NUDT3: variants seen among roughly 807,000 people sequenced by gnomAD.
NUDT3 encodes the protein diphosphoinositol polyphosphate phosphohydrolase 1.
A neutral mutation model predicts 23.6 loss-of-function variants in NUDT3; 9 were observed. That is an observed-to-expected ratio of 0.38 (90% CI 0.23 to 0.66). The LOEUF is 0.66. Among genes scored for constraint, NUDT3 ranks in the 30% least tolerant of loss-of-function variants. The pLI is 0.52. For missense variants in NUDT3, 172 were observed against 218.5 expected (o/e 0.79, Z 1.34); for synonymous variants, 86 against 82.6 (o/e 1.04, Z -0.22).
chr6:34,350,519 AAAGTCT>A (rs1206304011), intron 1 of NUDT3, among the ~76,000 whole-genome samples: 1 of 151,024 alleles, frequency 6.6e-6, no homozygotes, highest in African/African-American at 2.5e-5. Context: ...CAGCTGTCAC[AAAGTCT>A]TGTGCATGAT....
chr6:34,358,258 TACACACAC>T (rs71538235), intron 1 of NUDT3, among the ~76,000 whole-genome samples: 62 of 144,696 alleles, frequency 4.3e-4, no homozygotes, highest in Middle Eastern at 7.0e-3. Context: ...ATGAGTAGTT[TACACACAC>T]ACACACACAC....
intron 1 of NUDT3, among the ~76,000 whole-genome samples, chr6:34,342,557 A>G (rs924488964): frequency 6.6e-6 from 1 of 152,110 alleles, no homozygotes; most frequent in Non-Finnish European, 1.5e-5. Context: ...CTTTCATCAC[A>G]TTTTCAGCTA....
intron 1 of NUDT3, among the ~76,000 whole-genome samples, chr6:34,386,215 G>C (rs1561926246): frequency 6.6e-6 from 1 of 152,086 alleles, no homozygotes. Flanking sequence ...CTGTATATCA[G>C]GTTCAAACTA....
At chr6:34,320,354 G>A (rs1204867951) in intron 2 of NUDT3, among the ~76,000 whole-genome samples, 1 of 152,112 alleles carries the variant, frequency 6.6e-6, no homozygotes, top group Non-Finnish European at 1.5e-5. Context: ...AGGCTCCCAA[G>A]TAACTGGGAT....
chr6:34,361,116 G>C (rs1037024222), intron 1 of NUDT3, among the ~76,000 whole-genome samples: 3 of 152,084 alleles, frequency 2.0e-5, no homozygotes, highest in Admixed American at 6.6e-5. Context: ...CCAGCTACTT[G>C]GGAAGCTGGG....
intron 1 of NUDT3, among the ~76,000 whole-genome samples, chr6:34,349,672 C>T (rs1338472459): frequency 6.6e-6 from 1 of 150,552 alleles, no homozygotes; most frequent in Non-Finnish European, 1.5e-5. Context: ...CCCCTTTCTC[C>T]CTATCCACCC....
chr6:34,345,325 T>C (rs1240962994), intron 1 of NUDT3, among the ~76,000 whole-genome samples: 5 of 151,824 alleles, frequency 3.3e-5, no homozygotes, highest in Admixed American at 1.3e-4. Context: ...GATGGGATTG[T>C]AGGTGTGCGA....
At chr6:34,381,505 A>C (rs1385960013) in intron 1 of NUDT3, among the ~76,000 whole-genome samples, 2 of 152,162 alleles carry the variant, frequency 1.3e-5, no homozygotes, top group Non-Finnish European at 2.9e-5. Flanking sequence ...CAGCTAAAAT[A>C]ATTGAACCTA....
intron 1 of NUDT3, among the ~76,000 whole-genome samples, chr6:34,353,326 C>T (rs1764506866): frequency 6.6e-6 from 1 of 152,082 alleles, no homozygotes; most frequent in Admixed American, 6.6e-5. Context: ...AAATTTCAAA[C>T]ATGCATAAAA....
At position 34,309,480 on chromosome 6, in the gene NUDT3, A is replaced by G. The variant is rs373101546; in HGVS notation, c.211-13795T>C. On this transcript the variant is annotated intron_variant, in intron 2 of 4. Coordinates refer to ENST00000607016, the MANE Select transcript of NUDT3 (RefSeq NM_006703.4). The stretch of plus-strand genomic sequence containing the variant: ...ATCTAAGCTTTTACCTTAGGAAACT[A>G]GAAAAAGAGCAAATTAAATCCAAGT... 2.6e-5 allele frequency among the ~76,000 whole-genome samples: 4 copies of G among 152,216 alleles called. No individual in the cohort carries two copies. The East Asian group carries it at 7.7e-4, about 29-fold the overall frequency.
chr6:34,373,278 CAAA>C (rs55952536), intron 1 of NUDT3, among the ~76,000 whole-genome samples: 2 of 87,042 alleles, frequency 2.3e-5, no homozygotes, highest in African/African-American at 4.2e-5. Flanking sequence ...GACTCCGTCT[CAAA>C]AAAAAAAAAA....
intron 2 of NUDT3, among the ~76,000 whole-genome samples, chr6:34,333,933 T>C (rs2113728772): frequency 6.6e-6 from 1 of 152,334 alleles, no homozygotes; most frequent in East Asian, 1.9e-4. Flanking sequence ...CACGTAAGTT[T>C]TGCATAAGAC....
rs1330775299 is a variant in NUDT3 at position 34,280,371 on chromosome 6, C to T, written c.*8382G>A. 2 of 152,234 alleles carry T rather than the reference C, an allele frequency of 1.3e-5. No homozygotes were observed. Among genetic ancestry groups the T allele is most frequent in the Non-Finnish European group, 1.5e-5 (1 of 68,070 alleles). 9.4% of individuals were successfully genotyped at this position (152,234 alleles called of 1,614,324 possible). ...AACAAACAAAAAATGGAAACCAACA[C>T]CATATAACCACAGGTTGGGTAGCTC... On this transcript the variant is annotated 3_prime_UTR_variant, in exon 5 of 5. Transcript: ENST00000607016.
intron 1 of NUDT3, among the ~76,000 whole-genome samples, chr6:34,382,996 AG>A (rs1291346607): frequency 5.3e-5 from 8 of 151,252 alleles, no homozygotes; most frequent in South Asian, 4.2e-4. Flanking sequence ...GTGCGGTGGC[AG>A]GCACCTGTAA....
rs374166130 is a variant in NUDT3, at chr6:34,348,669, A to G, written c.100-6697T>C. On this transcript the variant is annotated intron_variant, in intron 1 of 4. Coordinates refer to ENST00000607016, the MANE Select transcript of NUDT3 (RefSeq NM_006703.4). ...CGGGCGCCTGTAGTCCCAGCTACTCAGGAGGCTGAGGCAGGAGAATGGTGT... is the reference window on the plus strand; with the variant it reads ...CGGGCGCCTGTAGTCCCAGCTACTCGGGAGGCTGAGGCAGGAGAATGGTGT... Among the ~76,000 whole-genome samples, 146 of 151,994 alleles carry G rather than the reference A, an allele frequency of 9.6e-4. No homozygotes were observed. In the East Asian group the frequency reaches 0.011, roughly 11 times the overall value.
chr6:34,375,541 A>G (rs978294382), intron 1 of NUDT3, among the ~76,000 whole-genome samples: 4 of 152,092 alleles, frequency 2.6e-5, no homozygotes, highest in Non-Finnish European at 5.9e-5. Context: ...ACCACACCAC[A>G]GTAACTCTGC....
At chr6:34,351,198 TAAAAAAAAAAAAAAAAAA>T in intron 1 of NUDT3, among the ~76,000 whole-genome samples, 1 of 17,898 alleles carries the variant, frequency 5.6e-5, no homozygotes, top group Admixed American at 8.8e-4. Flanking sequence ...CTCCCCTGCC[TAAAAAAAAAAAAAAAAAA>T]AAAAAAAAAA....
In NUDT3 at chr6:34,372,445, G is replaced by A. The variant is rs563400091; in HGVS notation, c.99+19819C>T. 3.1e-4 allele frequency among the ~76,000 whole-genome samples: 47 copies of A among 152,222 alleles called. No homozygotes were observed. The South Asian group carries it at 8.5e-3, about 28-fold the overall frequency. On this transcript the variant is annotated intron_variant, in intron 1 of 4. Transcript: ENST00000607016. ...TTTAATGATTGCTATTCTAACTGGT[G>A]TGAGATGGTATCTCATTGTGGTTTT...
At chr6:34,302,574 T>C (rs1763614852) in intron 2 of NUDT3, among the ~76,000 whole-genome samples, 1 of 151,948 alleles carries the variant, frequency 6.6e-6, no homozygotes, top group Non-Finnish European at 1.5e-5. Context: ...TCTACTAAAA[T>C]ACAAAAAATT....
Sources: allele counts gnomAD v4.1 joint callset (sites outside exome capture counted in the v4.1 genomes callset), GRCh38; gene constraint gnomAD v4.1.1; transcripts MANE v1.5; gene names NCBI Gene and HGNC (gene_info 2026-07-23, HGNC 2026-07-21).